The following RASSF3 variants were observed in gnomAD, a reference collection of about 807,000 sequenced individuals.
RASSF3 encodes the protein Ras association domain family member 3, also known as ras association domain-containing protein 3.
RASSF3 carries 19 observed loss-of-function variants against 19.9 expected under a neutral mutation model. That is an observed-to-expected ratio of 0.96 (90% CI 0.67 to 1.40). The LOEUF is 1.40. Ranked by LOEUF, RASSF3 falls within the 40% of genes most tolerant of loss-of-function variation. The pLI, the probability that RASSF3 is intolerant of heterozygous loss-of-function variation, is 0.00. For missense variants in RASSF3, 306 were observed against 289.8 expected (o/e 1.06, Z -0.41); for synonymous variants, 110 against 104.2 (o/e 1.06, Z -0.34).
intron 1 of RASSF3, among the ~76,000 whole-genome samples, chr12:64,620,381 T>A (rs1438544757): frequency 6.6e-6 from 1 of 152,192 alleles, no homozygotes; most frequent in African/African-American, 2.4e-5. Context: ...TTTTGGCTCA[T>A]GTGAATAATG....
chr12:64,514,038 C>CT (rs1868344707), intron 1 of RASSF3, among the ~76,000 whole-genome samples: 1 of 151,272 alleles, frequency 6.6e-6, no homozygotes, highest in African/African-American at 2.4e-5. Context: ...CGCCACCACA[C>CT]CCAGCTACTT....
chr12:64,566,053 G>A (rs1023167362), intron 2 of RASSF3, among the ~76,000 whole-genome samples: 8 of 151,812 alleles, frequency 5.3e-5, no homozygotes, highest in African/African-American at 1.9e-4. Context: ...ATACAAAAAT[G>A]AGCTGGGTGT....
intron 2 of RASSF3, among the ~76,000 whole-genome samples, chr12:64,583,900 C>T (rs1012078881): frequency 1.3e-5 from 2 of 152,196 alleles, no homozygotes; most frequent in African/African-American, 4.8e-5. Context: ...CTATCAATTT[C>T]TGATAAACGT....
intron 1 of RASSF3, among the ~76,000 whole-genome samples, chr12:64,516,433 A>C (rs936551353): frequency 4.6e-4 from 69 of 150,896 alleles, no homozygotes; most frequent in African/African-American, 1.5e-3. Flanking sequence ...TCCCGACTAG[A>C]ACGGTGAAAC....
At chr12:64,610,443 G>T, upstream of RASSF3, 1 of 194,324 alleles carries the variant, frequency 5.1e-6, no homozygotes, top group South Asian at 1.9e-4. Context: ...CACCGGGGCC[G>T]AGCCGCGCCT....
chr12:64,544,429 C>G (rs11175439), downstream of RASSF3, among the ~76,000 whole-genome samples: 1 of 151,990 alleles, frequency 6.6e-6, no homozygotes, highest in Non-Finnish European at 1.5e-5. Context: ...GGAGGGTCCG[C>G]GGGTTCATTC....
At chr12:64,549,800 T>C (rs773266404) in intron 2 of RASSF3, among the ~76,000 whole-genome samples, 2 of 152,192 alleles carry the variant, frequency 1.3e-5, no homozygotes, top group Non-Finnish European at 2.9e-5. Flanking sequence ...CCTATATGTT[T>C]GTCTGTGTGC....
At chr12:64,595,943 T>C (rs867249873) in intron 2 of RASSF3, among the ~76,000 whole-genome samples, 1 of 152,116 alleles carries the variant, frequency 6.6e-6, no homozygotes, top group African/African-American at 2.4e-5. Context: ...CCTAAAAATA[T>C]TACCCAGACT....
chr12:64,509,593 A>G (rs944149877), intron 1 of RASSF3, among the ~76,000 whole-genome samples: 9 of 152,232 alleles, frequency 5.9e-5, no homozygotes, highest in African/African-American at 1.7e-4. Flanking sequence ...CCACAGAGCA[A>G]TGGTGAGTAA....
chr12:64,524,544 C>G (rs551007253), intron 1 of RASSF3, among the ~76,000 whole-genome samples: 23 of 152,196 alleles, frequency 1.5e-4, no homozygotes, highest in Admixed American at 7.2e-4. Flanking sequence ...TCTACCTCCA[C>G]AACATTCTCA....
At chr12:64,685,727 A>G (rs1231875841) in intron 2 of RASSF3, among the ~76,000 whole-genome samples, 2 of 152,226 alleles carry the variant, frequency 1.3e-5, no homozygotes, top group Non-Finnish European at 2.9e-5. Flanking sequence ...ACACTGAAGC[A>G]TGCAGGGAGT....
At chr12:64,548,573 T>G (rs1289173760) in intron 2 of RASSF3, among the ~76,000 whole-genome samples, 2 of 152,212 alleles carry the variant, frequency 1.3e-5, no homozygotes, top group Admixed American at 6.5e-5. Flanking sequence ...TTTTCCTACA[T>G]TTCTTCTTGT....
chr12:64,603,053 C>T (rs1214873532), intron 2 of RASSF3, among the ~76,000 whole-genome samples: 2 of 151,760 alleles, frequency 1.3e-5, no homozygotes, highest in South Asian at 2.1e-4. Flanking sequence ...GGACTGAGAT[C>T]GTACTGCTGC....
At chr12:64,655,939 A>G (rs1381075110) in intron 1 of RASSF3, among the ~76,000 whole-genome samples, 2 of 151,538 alleles carry the variant, frequency 1.3e-5, no homozygotes, top group Non-Finnish European at 2.9e-5. Flanking sequence ...AGGCAGGAAA[A>G]TTGCTTAAAC....
chr12:64,606,039 T>G (rs1870186025), upstream of RASSF3, among the ~76,000 whole-genome samples: 1 of 152,214 alleles, frequency 6.6e-6, no homozygotes, highest in South Asian at 2.1e-4. Flanking sequence ...GTCCACAATA[T>G]GGCTACAGAA....
chr12:64,610,028 G>C (rs1292843788), upstream of RASSF3, among the ~76,000 whole-genome samples: 1 of 152,116 alleles, frequency 6.6e-6, no homozygotes, highest in African/African-American at 2.4e-5. Context: ...GCGGCTGCAG[G>C]AAGCCGTGGG....
chr12:64,613,297 G>C (rs1378018893), intron 1 of RASSF3, among the ~76,000 whole-genome samples: 1 of 151,558 alleles, frequency 6.6e-6, no homozygotes, highest in African/African-American at 2.4e-5. Flanking sequence ...CCTTTCTCTA[G>C]AGAGATGGAA....
chr12:64,694,568 T>G (rs1362614637), intron 4 of RASSF3, among the ~76,000 whole-genome samples, 195 bp from the exon 5 acceptor site: 1 of 151,608 alleles, frequency 6.6e-6, no homozygotes, highest in Non-Finnish European at 1.5e-5. Flanking sequence ...GGAAGGTGAT[T>G]GGTGTGAGCT....
At chr12:64,648,802 ATTTTTTT>A (rs60003798) in intron 1 of RASSF3, among the ~76,000 whole-genome samples, 2 of 105,018 alleles carry the variant, frequency 1.9e-5, no homozygotes, top group East Asian at 2.6e-4. Flanking sequence ...TTTTACATTG[ATTTTTTT>A]TTTTTTTTTT....
Sources: allele counts gnomAD v4.1 joint callset (sites outside exome capture counted in the v4.1 genomes callset), GRCh38; gene constraint gnomAD v4.1.1; transcripts MANE v1.5; gene names NCBI Gene and HGNC (gene_info 2026-07-23, HGNC 2026-07-21).